Variants in KHDRBS2 observed in about 807,000 individuals in gnomAD.
The protein encoded by KHDRBS2 is KH RNA binding domain containing, signal transduction associated 2.
Under a neutral mutation model 44.3 loss-of-function variants are expected in KHDRBS2, and 26 were observed. The observed-to-expected ratio is 0.59, with a 90% confidence interval of 0.43 to 0.81. KHDRBS2 has a LOEUF of 0.81. Among genes scored for constraint, KHDRBS2 ranks in the 40% least tolerant of loss-of-function variants. The pLI, the probability that KHDRBS2 is intolerant of heterozygous loss-of-function variation, is 0.00. For synonymous variants in KHDRBS2, 194 were observed against 151.1 expected (o/e 1.28, Z -2.08); for missense variants, 476 against 433.1 (o/e 1.10, Z -0.88).
At chr6:62,264,791 C>G (rs1323791628) in intron 1 of KHDRBS2, among the ~76,000 whole-genome samples, 1 of 151,558 alleles carries the variant, frequency 6.6e-6, no homozygotes, top group Non-Finnish European at 1.5e-5. Flanking sequence ...ATTTATTAGG[C>G]CTTTTTCCTA....
intron 7 of KHDRBS2, among the ~76,000 whole-genome samples, chr6:61,701,877 G>C (rs1768739325): frequency 6.6e-6 from 1 of 151,976 alleles, no homozygotes; most frequent in South Asian, 2.1e-4. Flanking sequence ...GTATGGGGTA[G>C]AAGGTTGAGA....
intron 4 of KHDRBS2, among the ~76,000 whole-genome samples, chr6:61,953,898 A>G (rs1562507806): frequency 6.6e-6 from 1 of 152,280 alleles, no homozygotes; most frequent in East Asian, 1.9e-4. Context: ...CTTTGCAGCT[A>G]GCAGAGAGAA....
chr6:61,880,125 G>T (rs2127315812), intron 6 of KHDRBS2, among the ~76,000 whole-genome samples: 1 of 151,976 alleles, frequency 6.6e-6, no homozygotes, highest in East Asian at 1.9e-4. Context: ...AGGTTCAGAT[G>T]CATAGCATAA....
intron 2 of KHDRBS2, among the ~76,000 whole-genome samples, chr6:62,069,086 C>A (rs1403671780): frequency 6.6e-6 from 1 of 151,480 alleles, no homozygotes; most frequent in Non-Finnish European, 1.5e-5. Context: ...AGAGTTGACC[C>A]TTGAACAACA....
At chr6:61,571,041 C>G in the KHDRBS2 span, among the ~76,000 whole-genome samples, 1 of 151,318 alleles carries the variant, frequency 6.6e-6, no homozygotes, top group Non-Finnish European at 1.5e-5. Context: ...CAACAACTAG[C>G]ATGATGAACA....
chr6:61,574,509 G>A, the KHDRBS2 span: 1 of 898,626 alleles, frequency 1.1e-6, no homozygotes, highest in Non-Finnish European at 1.6e-6. Context: ...AATTTCGGCT[G>A]GGGCGACCTC....
chr6:61,972,972 C>T (rs114915775), intron 4 of KHDRBS2, among the ~76,000 whole-genome samples: 3,349 of 152,164 alleles, frequency 0.022, 123 homozygotes, highest in African/African-American at 0.076. Context: ...ATGGCAAAAG[C>T]CCATCTCTAC....
chr6:61,699,998 A>G (rs1768397594), intron 7 of KHDRBS2, among the ~76,000 whole-genome samples: 1 of 152,018 alleles, frequency 6.6e-6, no homozygotes, highest in South Asian at 2.1e-4. Context: ...AAAATGATGC[A>G]ACCCAACTCA....
At chr6:62,013,484 G>C (rs1291695259) in intron 3 of KHDRBS2, among the ~76,000 whole-genome samples, 1 of 46,858 alleles carries the variant, frequency 2.1e-5, no homozygotes, top group Admixed American at 3.1e-4. Flanking sequence ...TAAAATAATA[G>C]AATTTTATTA....
At chr6:61,841,485 T>A (rs888911504) in intron 6 of KHDRBS2, among the ~76,000 whole-genome samples, 6 of 152,214 alleles carry the variant, frequency 3.9e-5, no homozygotes, top group African/African-American at 1.4e-4. Context: ...AGAAGATTAA[T>A]TTGGCTTTAC....
At chr6:61,913,200 C>A (rs893978829) in intron 4 of KHDRBS2, among the ~76,000 whole-genome samples, 10 of 152,046 alleles carry the variant, frequency 6.6e-5, no homozygotes, top group African/African-American at 2.4e-4. Context: ...CACTTTGATT[C>A]TTTTTCATCC....
At chr6:61,683,871 A>G (rs1766555192) in intron 8 of KHDRBS2, among the ~76,000 whole-genome samples, 1 of 151,910 alleles carries the variant, frequency 6.6e-6, no homozygotes. Context: ...GTACGTGGAA[A>G]AGTAAATCGC....
At chr6:62,075,550 C>G (rs1326286169) in intron 2 of KHDRBS2, among the ~76,000 whole-genome samples, 2 of 151,906 alleles carry the variant, frequency 1.3e-5, no homozygotes, top group Non-Finnish European at 2.9e-5. Flanking sequence ...ACACAGATTA[C>G]AATTTGCCTT....
chr6:61,564,577 A>C, the KHDRBS2 span, among the ~76,000 whole-genome samples: 1 of 152,210 alleles, frequency 6.6e-6, no homozygotes, highest in East Asian at 1.9e-4. Context: ...ATAAATGTAA[A>C]GTTGAGGATA....
intron 1 of KHDRBS2, among the ~76,000 whole-genome samples, chr6:62,254,723 G>T (rs945184053): frequency 6.6e-6 from 1 of 152,046 alleles, no homozygotes; most frequent in Non-Finnish European, 1.5e-5. Flanking sequence ...ACAGCAGCCA[G>T]ATGCGGGAGT....
At chr6:62,000,023 G>A (rs9445778) in intron 3 of KHDRBS2, among the ~76,000 whole-genome samples, 77,403 of 151,846 alleles carry the variant, frequency 0.51, 20,586 homozygotes, top group Non-Finnish European at 0.58. Context: ...ACATCTGCAA[G>A]TCTCTGTTAT....
the KHDRBS2 span, among the ~76,000 whole-genome samples, chr6:61,564,124 A>G: frequency 2.6e-5 from 4 of 152,104 alleles, no homozygotes; most frequent in African/African-American, 9.7e-5. Context: ...CATGCAGAAA[A>G]CAAATTTTTC....
At chr6:61,594,487 G>A in the KHDRBS2 span, among the ~76,000 whole-genome samples, 893 of 152,112 alleles carry the variant, frequency 5.9e-3, 1 homozygote, top group Non-Finnish European at 8.5e-3. Context: ...TTTGCAAAAA[G>A]TTTTTAGGAA....
intron 3 of KHDRBS2, among the ~76,000 whole-genome samples, chr6:61,988,732 A>T (rs1333620725): frequency 3.9e-5 from 6 of 152,200 alleles, no homozygotes; most frequent in Non-Finnish European, 7.3e-5. Context: ...ACCAAAGAGC[A>T]AAGGTATCAG....
Sources: gnomAD v4.1 joint callset for allele counts (sites outside exome capture counted in the v4.1 genomes callset) on GRCh38, gnomAD v4.1.1 for gene constraint, MANE v1.5 for transcripts, NCBI Gene and HGNC (gene_info 2026-07-23, HGNC 2026-07-21) for gene names.